The following UNC13C variants were observed in gnomAD, a reference collection of about 807,000 sequenced individuals.
UNC13C encodes protein unc-13 homolog C.
Under a neutral mutation model 245.4 loss-of-function variants are expected in UNC13C, and 174 were observed. That is an observed-to-expected ratio of 0.71 (90% CI 0.63 to 0.80). The LOEUF is 0.80. UNC13C is among the 30% of genes least tolerant of loss of function. The pLI is 0.00. For missense variants in UNC13C, 2,829 were observed against 2,602.9 expected (o/e 1.09, Z -1.89); for synonymous variants, 992 against 895.1 (o/e 1.11, Z -1.93).
At chr15:54,086,449 A>G (rs186330672) in intron 2 of UNC13C, among the ~76,000 whole-genome samples, 5 of 152,294 alleles carry the variant, frequency 3.3e-5, no homozygotes, top group Admixed American at 2.6e-4. Flanking sequence ...TTTTTCAGCA[A>G]AATGATAAAA....
rs189370047 is a variant in UNC13C, at chr15:54,516,705, C to T, written c.5457+4875C>T. ...ATCCCAGCTACTCAGGAGGCTGAAG[C>T]GGGAGAATCACTTGAACCCTAGAGG... On this transcript the variant is annotated intron_variant, in intron 24 of 32. Transcript: ENST00000260323. Among the ~76,000 whole-genome samples, 56 of 148,002 alleles carry T rather than the reference C, an allele frequency of 3.8e-4. 1 individual carries two copies. In the East Asian group the frequency reaches 5.7e-3, roughly 15 times the overall value.
At chr15:54,397,997 A>C (rs1295920668) in intron 18 of UNC13C, among the ~76,000 whole-genome samples, 1 of 151,354 alleles carries the variant, frequency 6.6e-6, no homozygotes, top group Non-Finnish European at 1.5e-5. Flanking sequence ...TGTTGACTAA[A>C]ATTAGTGAAG....
At chr15:54,201,790 T>C (rs544332249) in intron 4 of UNC13C, among the ~76,000 whole-genome samples, 8 of 151,950 alleles carry the variant, frequency 5.3e-5, no homozygotes, top group African/African-American at 1.9e-4. Flanking sequence ...TTCTATTCAA[T>C]ATAGTACTGA....
chr15:54,252,547 A>G (rs2036179586), intron 8 of UNC13C, among the ~76,000 whole-genome samples: 2 of 152,274 alleles, frequency 1.3e-5, no homozygotes, highest in South Asian at 2.1e-4. Context: ...ACAAGTATGT[A>G]TACTTAACTT....
intron 2 of UNC13C, among the ~76,000 whole-genome samples, chr15:54,101,301 C>G (rs997903676): frequency 6.6e-6 from 1 of 152,110 alleles, no homozygotes; most frequent in South Asian, 2.1e-4. Flanking sequence ...ACTATTTTTA[C>G]TGCCGCTCTG....
chr15:54,622,222 T>G, intron 30 of UNC13C, 105 bp from the exon 31 acceptor site: 1 of 791,016 alleles, frequency 1.3e-6, no homozygotes, highest in South Asian at 1.5e-5. Context: ...TGGAAAGAAC[T>G]ATTCATTTCC....
chr15:54,246,352 T>G (rs1030160252), intron 7 of UNC13C, among the ~76,000 whole-genome samples: 4 of 151,812 alleles, frequency 2.6e-5, no homozygotes, highest in African/African-American at 9.7e-5. Flanking sequence ...AAACAAGATG[T>G]CTATAACAGC....
intron 22 of UNC13C, among the ~76,000 whole-genome samples, chr15:54,506,069 G>T (rs910929526): frequency 6.6e-6 from 1 of 152,100 alleles, no homozygotes; most frequent in African/African-American, 2.4e-5. Flanking sequence ...AAGTCACCCG[G>T]CAGCTGTAGG....
At chr15:53,923,946 C>G in the UNC13C span, among the ~76,000 whole-genome samples, 1 of 152,222 alleles carries the variant, frequency 6.6e-6, no homozygotes, top group Non-Finnish European at 1.5e-5. Context: ...GTGGCTCGCG[C>G]CTGTAATCCC....
At chr15:54,296,770 A>G (rs1263822024) in intron 11 of UNC13C, among the ~76,000 whole-genome samples, 1 of 152,184 alleles carries the variant, frequency 6.6e-6, no homozygotes, top group Non-Finnish European at 1.5e-5. Flanking sequence ...ACTTTGTGTC[A>G]CTTACCTAAA....
At chr15:54,192,879 T>C (rs938023629) in intron 4 of UNC13C, among the ~76,000 whole-genome samples, 7 of 150,342 alleles carry the variant, frequency 4.7e-5, no homozygotes, top group Admixed American at 1.3e-4. Flanking sequence ...TTCTCTCTCT[T>C]TCTTTCTCTT....
chr15:53,962,884 A>G, the UNC13C span, among the ~76,000 whole-genome samples: 3 of 152,184 alleles, frequency 2.0e-5, no homozygotes, highest in African/African-American at 7.2e-5. Context: ...GGGAATAACT[A>G]ATAAGAGTTC....
In UNC13C at chr15:54,404,505, A is replaced by T. The variant is rs180995671; in HGVS notation, c.4848-10477A>T. 9.2e-5 allele frequency among the ~76,000 whole-genome samples: 14 copies of T among 152,272 alleles called. No individual in the cohort carries two copies. The East Asian group carries it at 2.7e-3, about 29-fold the overall frequency. On this transcript the variant is annotated intron_variant, in intron 18 of 32. Coordinates refer to ENST00000260323, the MANE Select transcript of UNC13C (RefSeq NM_001080534.3). The stretch of plus-strand genomic sequence containing the variant: ...GGTGGAATGGATCAGTTATTTCATT[A>T]AACCTCCTCTTTATGATGGTAGATT...
intron 4 of UNC13C, among the ~76,000 whole-genome samples, chr15:54,228,815 C>T (rs1027868239): frequency 1.3e-5 from 2 of 152,166 alleles, no homozygotes; most frequent in African/African-American, 4.8e-5. Context: ...GCTGTGCTGC[C>T]TGGGGTTGGG....
At chr15:54,326,522 G>A (rs1356624225) in intron 14 of UNC13C, among the ~76,000 whole-genome samples, 3 of 152,004 alleles carry the variant, frequency 2.0e-5, no homozygotes, top group African/African-American at 7.2e-5. Context: ...AAGAGGCCAT[G>A]GGAAGGTAAG....
intron 19 of UNC13C, among the ~76,000 whole-genome samples, chr15:54,421,638 A>C (rs1251891170): frequency 6.6e-6 from 1 of 152,098 alleles, no homozygotes. Context: ...TGCTCTAGAA[A>C]ACCGCTGTGT....
chr15:54,618,357 A>G (rs1459653640), intron 30 of UNC13C, among the ~76,000 whole-genome samples: 1 of 152,170 alleles, frequency 6.6e-6, no homozygotes, highest in Non-Finnish European at 1.5e-5. Context: ...AGACACACAG[A>G]TGGTGATTTC....
intron 19 of UNC13C, among the ~76,000 whole-genome samples, chr15:54,454,517 G>T (rs1891362923): frequency 6.6e-6 from 1 of 151,532 alleles, no homozygotes; most frequent in Non-Finnish European, 1.5e-5. Flanking sequence ...GGTGGAGGTT[G>T]CAGTGAGCTG....
At chr15:54,225,667 A>G (rs1165360673) in intron 4 of UNC13C, among the ~76,000 whole-genome samples, 1 of 152,200 alleles carries the variant, frequency 6.6e-6, no homozygotes, top group African/African-American at 2.4e-5. Context: ...TTGCATCCTG[A>G]GAATTTGCTG....
Sources: allele counts gnomAD v4.1 joint callset (sites outside exome capture counted in the v4.1 genomes callset), GRCh38; gene constraint gnomAD v4.1.1; transcripts MANE v1.5; gene names NCBI Gene and HGNC (gene_info 2026-07-23, HGNC 2026-07-21).